NRCAM: variants seen among roughly 807,000 people sequenced by gnomAD.
The protein encoded by NRCAM is NgCAM-related cell adhesion molecule.
In NRCAM, 83 loss-of-function variants were observed where a neutral mutation model predicts 156.5. That is an observed-to-expected ratio of 0.53 (90% CI 0.44 to 0.64). The LOEUF is 0.64. NRCAM is among the 30% of genes least tolerant of loss of function. NRCAM has a pLI of 0.00. For missense variants in NRCAM, 1,417 were observed against 1,597.3 expected (o/e 0.89, Z 1.92); for synonymous variants, 538 against 563.9 (o/e 0.95, Z 0.65).
chr7:108,304,465 C>T (rs1285179480), intron 3 of NRCAM, among the ~76,000 whole-genome samples: 1 of 151,584 alleles, frequency 6.6e-6, no homozygotes, highest in Non-Finnish European at 1.5e-5. Context: ...AGTGTGATTC[C>T]CTGAAGAGCA....
rs753761222 is a variant in NRCAM at position 108,150,172 on chromosome 7, G to A, written c.3678-25C>T. ...ACTGGAAGAAAGAGAAAACATTTTTGTCAAGATTGGCATTTAGGTAACATT... is the reference window on the plus strand; with the variant it reads ...ACTGGAAGAAAGAGAAAACATTTTTATCAAGATTGGCATTTAGGTAACATT... On this transcript the variant is annotated intron_variant, in intron 32 of 32. Transcript: ENST00000379028. 13 of 1,560,390 alleles carry A rather than the reference G, an allele frequency of 8.3e-6. No homozygotes were observed. The East Asian group carries it at 2.9e-4, about 35-fold the overall frequency.
chr7:108,185,735 G>GAAAAAAAA (rs34028548), intron 20 of NRCAM, among the ~76,000 whole-genome samples: 1 of 128,492 alleles, frequency 7.8e-6, no homozygotes, highest in Admixed American at 8.2e-5. Context: ...AGAGAGAGAG[G>GAAAAAAAA]AAAAAAAAAA....
chr7:108,427,263 TAATG>T (rs1327900291), intron 1 of NRCAM, among the ~76,000 whole-genome samples: 1 of 152,152 alleles, frequency 6.6e-6, no homozygotes, highest in Admixed American at 6.6e-5. Context: ...AGGGCTTAAT[TAATG>T]AACAATACAG....
chr7:108,305,150 TC>T (rs914913990), intron 3 of NRCAM, among the ~76,000 whole-genome samples: 2 of 152,230 alleles, frequency 1.3e-5, no homozygotes, highest in African/African-American at 2.4e-5. Context: ...TTTTTCCTAC[TC>T]CTCTATGGCA....
At chr7:108,162,922 T>C (rs950667140) in intron 30 of NRCAM, among the ~76,000 whole-genome samples, 1 of 152,192 alleles carries the variant, frequency 6.6e-6, no homozygotes, top group African/African-American at 2.4e-5. Flanking sequence ...ATGATTAAAA[T>C]AGGCATGAAG....
At chr7:108,183,403 T>C (rs904166433) in intron 22 of NRCAM, among the ~76,000 whole-genome samples, 2 of 76,890 alleles carry the variant, frequency 2.6e-5, no homozygotes, top group Non-Finnish European at 7.3e-5. Context: ...TAAGTATGCA[T>C]GTATGGCTCT....
Position 108,149,103 on chromosome 7 carries a change from T to C in NRCAM, c.*807A>G, listed in dbSNP as rs535513138. On this transcript the variant is annotated 3_prime_UTR_variant, in exon 33 of 33. Coordinates refer to ENST00000379028, the MANE Select transcript of NRCAM (RefSeq NM_001037132.4). ...TGTATGTGTCTTGCCCTGTGTTCTC[T>C]GAAATAATGTTTGAAATTTAATTTG... The C allele has an allele frequency of 6.5e-6, 1 of 152,784 alleles. No individual in the cohort carries two copies. The highest frequency in any genetic ancestry group is 1.9e-4 in the East Asian group (1 of 5,190). 9.5% of individuals were successfully genotyped at this position (152,784 alleles called of 1,614,324 possible). A position where few individuals can be genotyped will look rare whatever the true frequency, so the allele number is the denominator to read the frequency against.
intron 2 of NRCAM, among the ~76,000 whole-genome samples, chr7:108,359,581 A>T (rs2099534472): frequency 6.6e-6 from 1 of 152,222 alleles, no homozygotes; most frequent in African/African-American, 2.4e-5. Flanking sequence ...AGGGCATAGA[A>T]GCGAAATAAC....
rs556880411 is a variant in NRCAM, at chr7:108,282,588, G to A, written c.-107+30077C>T. Among the ~76,000 whole-genome samples, 8 of 152,156 alleles carry A rather than the reference G, an allele frequency of 5.3e-5. No individual in the cohort carries two copies. The South Asian group carries it at 1.7e-3, about 32-fold the overall frequency. On this transcript the variant is annotated intron_variant, in intron 3 of 32. Coordinates refer to ENST00000379028, the MANE Select transcript of NRCAM (RefSeq NM_001037132.4). ...AGCTAGACATTTTTATATATTCAAG[G>A]TTTTGTTGTTTTCTGGCAACTGGCC...
intron 1 of NRCAM, among the ~76,000 whole-genome samples, chr7:108,438,003 T>C (rs1834200938): frequency 6.7e-6 from 1 of 148,840 alleles, no homozygotes; most frequent in African/African-American, 2.5e-5. Context: ...CAAGGAGACA[T>C]GGAAAATCCA....
Position 108,234,709 on chromosome 7 carries a change from A to T in NRCAM, c.125-21T>A, listed in dbSNP as rs751600492. The T allele has an allele frequency of 6.6e-6, 10 of 1,507,194 alleles. No homozygotes were observed. The Middle Eastern group carries it at 6.8e-4, about 103-fold the overall frequency. 93.4% of individuals were successfully genotyped at this position (1,507,194 alleles called of 1,614,324 possible). A position where few individuals can be genotyped will look rare whatever the true frequency, so the allele number is the denominator to read the frequency against. ...TACCACTTAATTGTAGAAAAAAAAA[A>T]ATGTAAAAAAACAAATTATTTAAAA... On this transcript the variant is annotated intron_variant, in intron 5 of 32. Transcript: ENST00000379028.
intron 13 of NRCAM, among the ~76,000 whole-genome samples, chr7:108,203,523 A>G (rs1375846890): frequency 6.6e-6 from 1 of 152,128 alleles, no homozygotes; most frequent in African/African-American, 2.4e-5. Context: ...TTTTGCTAAA[A>G]GAACCCTTCT....
At chr7:108,295,817 C>T (rs1286528291) in intron 3 of NRCAM, among the ~76,000 whole-genome samples, 1 of 152,202 alleles carries the variant, frequency 6.6e-6, no homozygotes, top group Admixed American at 6.5e-5. Flanking sequence ...CACCAAAGTA[C>T]CTCTGTGGTC....
chr7:108,160,664 T>C (rs2048369474), intron 30 of NRCAM, among the ~76,000 whole-genome samples, 172 bp from the exon 31 acceptor site: 2 of 152,196 alleles, frequency 1.3e-5, no homozygotes, highest in Non-Finnish European at 2.9e-5. Flanking sequence ...TAATTAACTT[T>C]GAAAAATCTT....
At chr7:108,456,452 C>G (rs1401327875), upstream of NRCAM, 3 of 151,126 alleles carry the variant, frequency 2.0e-5, no homozygotes, top group East Asian at 5.9e-4. Flanking sequence ...CGCGCCGGCG[C>G]GCGCCCCCGC....
intron 1 of NRCAM, among the ~76,000 whole-genome samples, chr7:108,441,565 A>G (rs1838555018): frequency 6.6e-6 from 1 of 152,256 alleles, no homozygotes; most frequent in Non-Finnish European, 1.5e-5. Flanking sequence ...TCCTTGTTAT[A>G]TATCATAGTA....
intron 3 of NRCAM, among the ~76,000 whole-genome samples, chr7:108,258,030 G>C (rs2096750593): frequency 1.3e-5 from 2 of 152,156 alleles, no homozygotes; most frequent in African/African-American, 4.8e-5. Context: ...ACCAAAAGTA[G>C]AGATTTATAA....
Position 108,246,286 on chromosome 7 carries a change from G to T in NRCAM, c.-106-6116C>A, listed in dbSNP as rs765492835. 1.8e-3 allele frequency among the ~76,000 whole-genome samples: 271 copies of T among 152,124 alleles called. 4 individuals are homozygous for T. The highest frequency in any genetic ancestry group is 1.3e-3 in the Non-Finnish European group (90 of 68,012). ...CTCATCACTCTGACCAAGGCAAAAA[G>T]AATCAGGGTGGGTGTTCAGCCTTTG... On this transcript the variant is annotated intron_variant, in intron 3 of 32. Transcript: ENST00000379028.
At chr7:108,179,052 G>A (rs983194890) in intron 25 of NRCAM, among the ~76,000 whole-genome samples, 11 of 152,162 alleles carry the variant, frequency 7.2e-5, no homozygotes, top group African/African-American at 2.4e-5. Context: ...CTGGCACATA[G>A]TTCTAGGCTT....
Sources: allele counts gnomAD v4.1 joint callset (sites outside exome capture counted in the v4.1 genomes callset), GRCh38; gene constraint gnomAD v4.1.1; transcripts MANE v1.5; gene names NCBI Gene and HGNC (gene_info 2026-07-23, HGNC 2026-07-21).